CUEDC1: variants seen among roughly 807,000 people sequenced by gnomAD.
The protein encoded by CUEDC1 is CUE domain containing 1.
CUEDC1 carries 30 observed loss-of-function variants against 43.7 expected under a neutral mutation model. The observed-to-expected ratio is 0.69, with a 90% CI of 0.51 to 0.93. The LOEUF is 0.93. Among genes scored for constraint, CUEDC1 ranks in the 40% least tolerant of loss-of-function variants. The pLI, the probability that CUEDC1 is intolerant of heterozygous loss-of-function variation, is 0.00. For missense variants in CUEDC1, 486 were observed against 549.0 expected (o/e 0.89, Z 1.15); for synonymous variants, 223 against 223.6 (o/e 1.00, Z 0.02).
chr17:57,893,877 C>T (rs1377829317), intron 1 of CUEDC1, among the ~76,000 whole-genome samples: 1 of 152,056 alleles, frequency 6.6e-6, no homozygotes, highest in Non-Finnish European at 1.5e-5. Context: ...AGGTGGATCA[C>T]GAGATCAGGA....
intron 1 of CUEDC1, among the ~76,000 whole-genome samples, chr17:57,920,445 C>A: frequency 6.6e-6 from 1 of 152,010 alleles, no homozygotes; most frequent in Non-Finnish European, 1.5e-5. Context: ...TCAATTAAAG[C>A]AAGCAAGATG....
intron 2 of CUEDC1, among the ~76,000 whole-genome samples, chr17:57,884,661 C>T (rs921900416): frequency 1.3e-5 from 2 of 152,218 alleles, no homozygotes; most frequent in African/African-American, 4.8e-5. Context: ...ACACCCTTCC[C>T]CCGGCTTCAC....
At chr17:57,866,359 C>T in intron 10 of CUEDC1, 115 bp downstream of exon 10, 1 of 857,076 alleles carries the variant, frequency 1.2e-6, no homozygotes, top group Non-Finnish European at 1.9e-6. Context: ...GGGGCCTGTG[C>T]TACCCAGTTG....
chr17:57,883,677 C>G (rs949571475), intron 2 of CUEDC1, among the ~76,000 whole-genome samples: 3 of 151,890 alleles, frequency 2.0e-5, no homozygotes, highest in Admixed American at 6.6e-5. Context: ...GAACCAAGAT[C>G]GCGCCATTGC....
At chr17:57,900,857 A>G (rs2074463889) in intron 1 of CUEDC1, among the ~76,000 whole-genome samples, 1 of 152,224 alleles carries the variant, frequency 6.6e-6, no homozygotes, top group South Asian at 2.1e-4. Context: ...ATGAGGCTTC[A>G]GGAAATGCAA....
intron 2 of CUEDC1, among the ~76,000 whole-genome samples, chr17:57,883,188 A>G (rs1342734533): frequency 6.6e-6 from 1 of 152,220 alleles, no homozygotes; most frequent in Non-Finnish European, 1.5e-5. Flanking sequence ...CAAAGACAGC[A>G]GCAACACGTA....
intron 1 of CUEDC1, among the ~76,000 whole-genome samples, chr17:57,952,520 T>A (rs2075017080): frequency 6.6e-6 from 1 of 152,078 alleles, no homozygotes; most frequent in South Asian, 2.1e-4. Context: ...AGCCACCGCA[T>A]CCGGCCTCCA....
chr17:57,926,756 C>CA, intron 1 of CUEDC1, among the ~76,000 whole-genome samples: 1 of 152,304 alleles, frequency 6.6e-6, no homozygotes, highest in Admixed American at 6.5e-5. Context: ...GGACAATATG[C>CA]AAATTAGAGG....
At chr17:57,872,431 C>T (rs554304901) in intron 5 of CUEDC1, among the ~76,000 whole-genome samples, 7 of 152,222 alleles carry the variant, frequency 4.6e-5, no homozygotes, top group South Asian at 4.1e-4. Context: ...TAAGAGTGCA[C>T]ATCCTTCTTC....
chr17:57,920,989 G>A (rs145192204), intron 1 of CUEDC1, among the ~76,000 whole-genome samples: 2 of 152,326 alleles, frequency 1.3e-5, no homozygotes, highest in East Asian at 1.9e-4. Context: ...AATTTAAAAG[G>A]AAAGTATGTT....
chr17:57,881,189 C>T (rs538009886), intron 2 of CUEDC1, among the ~76,000 whole-genome samples: 6 of 152,340 alleles, frequency 3.9e-5, no homozygotes, highest in Admixed American at 6.5e-5. Flanking sequence ...CACACACACG[C>T]GCACATGCAC....
intron 1 of CUEDC1, among the ~76,000 whole-genome samples, chr17:57,899,096 C>T (rs1040733194): frequency 3.3e-5 from 5 of 152,170 alleles, no homozygotes; most frequent in African/African-American, 1.2e-4. Flanking sequence ...GGGTGGCTGG[C>T]CCAGGGCTGA....
rs571337494 is a variant in CUEDC1 at position 57,926,883 on chromosome 17, G to A, written c.-316+28342C>T. Among the ~76,000 whole-genome samples the A allele has an allele frequency of 3.7e-4, 57 of 152,190 alleles. 1 individual carries two copies. The highest frequency in any genetic ancestry group is 3.2e-3 in the Admixed American group (49 of 15,282). On this transcript the variant is annotated intron_variant, in intron 1 of 10. Coordinates refer to ENST00000577830, the MANE Select transcript of CUEDC1 (RefSeq NM_001271875.2). ...GGGGCTCAGCGGCTGGTGCCACACC[G>A]GGCCTCTTGGACCAAAGCGGGAAAG...
intron 1 of CUEDC1, among the ~76,000 whole-genome samples, chr17:57,894,855 C>CCT (rs2074392725): frequency 6.6e-6 from 1 of 152,090 alleles, no homozygotes; most frequent in Non-Finnish European, 1.5e-5. Context: ...GAGCCTCAGT[C>CCT]CTAAGGACAT....
chr17:57,886,817 G>GTTTTTTTTTT lies in CUEDC1; in HGVS notation c.-315-948_-315-939dup. Among the ~76,000 whole-genome samples, 2 of 118,502 alleles carry GTTTTTTTTTT rather than the reference G, an allele frequency of 1.7e-5. 1 individual carries two copies. Among genetic ancestry groups the GTTTTTTTTTT allele is most frequent in the Non-Finnish European group, 3.5e-5 (2 of 57,332 alleles). 77.7% of individuals were successfully genotyped at this position (118,502 alleles called of 152,430 possible). A position where few individuals can be genotyped will look rare whatever the true frequency, so the allele number is the denominator to read the frequency against. On this transcript the variant is annotated intron_variant, in intron 1 of 10. Coordinates refer to ENST00000577830, the MANE Select transcript of CUEDC1 (RefSeq NM_001271875.2). ...ACCATATACATCATAAATTCTGGTT[G>GTTTTTTTTTT]TTTTTTTTTTTTTTTTTTTGAGACG...
chr17:57,901,036 G>A (rs1006712888), intron 1 of CUEDC1, among the ~76,000 whole-genome samples: 1 of 152,218 alleles, frequency 6.6e-6, no homozygotes, highest in African/African-American at 2.4e-5. Flanking sequence ...CTCTGGGGAT[G>A]TGCTTTCTAA....
intron 10 of CUEDC1, among the ~76,000 whole-genome samples, 182 bp downstream of exon 10, chr17:57,866,292 T>G (rs375182159): frequency 6.6e-6 from 1 of 152,190 alleles, no homozygotes; most frequent in Non-Finnish European, 1.5e-5. Flanking sequence ...AAAAAAGACA[T>G]GCAATGAACT....
chr17:57,896,047 T>C (rs2074404569), intron 1 of CUEDC1, among the ~76,000 whole-genome samples: 1 of 152,180 alleles, frequency 6.6e-6, no homozygotes, highest in Non-Finnish European at 1.5e-5. Flanking sequence ...CATCCGAACA[T>C]GCCCAGGTAA....
At chr17:57,886,979 C>T (rs1360536907) in intron 1 of CUEDC1, among the ~76,000 whole-genome samples, 2 of 151,972 alleles carry the variant, frequency 1.3e-5, no homozygotes, top group Admixed American at 6.6e-5. Flanking sequence ...CCACCACACC[C>T]GGCTAATTTT....
Sources: gnomAD v4.1 joint callset for allele counts (sites outside exome capture counted in the v4.1 genomes callset) on GRCh38, gnomAD v4.1.1 for gene constraint, MANE v1.5 for transcripts, NCBI Gene and HGNC (gene_info 2026-07-23, HGNC 2026-07-21) for gene names.